Variants in PCDHGA11 observed in about 807,000 individuals in gnomAD.
The protein encoded by PCDHGA11 is protocadherin gamma-A11.
Under a neutral mutation model 60.4 loss-of-function variants are expected in PCDHGA11, and 39 were observed. The ratio of observed to expected loss-of-function variants is 0.65; its 90% CI spans 0.50 to 0.84. The LOEUF is 0.84. Ranked by LOEUF, PCDHGA11 falls within the 40% of genes least tolerant of loss-of-function variation. The pLI, the probability that PCDHGA11 is intolerant of heterozygous loss-of-function variation, is 0.00. For synonymous variants in PCDHGA11, 533 were observed against 510.3 expected, an observed-to-expected ratio of 1.04 and a Z score of -0.60; for missense variants, 1,165 against 1,197.7, an observed-to-expected ratio of 0.97 and a Z score of 0.40.
At chr5:141,427,333 T>C (rs1157500463) in intron 1 of PCDHGA11, 1 of 457,322 alleles carries the variant, frequency 2.2e-6, no homozygotes, top group Non-Finnish European at 4.4e-6. Context: ...TTTACTTCAG[T>C]GTCCAGTTCT....
chr5:141,449,256 A>C (rs929920180), intron 1 of PCDHGA11, among the ~76,000 whole-genome samples: 5 of 152,176 alleles, frequency 3.3e-5, no homozygotes, highest in Non-Finnish European at 5.9e-5. Context: ...CAAGAATTGT[A>C]CAAAGAACTG....
chr5:141,478,347 C>T, intron 1 of PCDHGA11: 2 of 1,613,802 alleles, frequency 1.2e-6, no homozygotes, highest in Non-Finnish European at 1.7e-6. Context: ...TCCTTGCACG[C>T]GGACGCCGTG....
chr5:141,504,763 C>G (rs1057360921), intron 2 of PCDHGA11, among the ~76,000 whole-genome samples: 5 of 152,018 alleles, frequency 3.3e-5, no homozygotes, highest in African/African-American at 1.2e-4. Context: ...AATTTCTTCT[C>G]CCTGCTCCAG....
chr5:141,476,187 G>T lies in PCDHGA11; in HGVS notation c.2434-18620G>T. 1 of 1,613,782 alleles carries T rather than the reference G, an allele frequency of 6.2e-7. No individual in the cohort carries two copies. The highest frequency in any genetic ancestry group is 8.5e-7 in the Non-Finnish European group (1 of 1,180,028). ...GTAGTGGGAGTTTTGCTTCTGCTTG[G>T]TGCCTTGAACAAGGCTTCCACGGTC... On this transcript the variant is annotated intron_variant, in intron 1 of 3. Transcript: ENST00000398587. This position sits in a 1 kb window ranked among gnomAD's most constrained non-coding sequence, Gnocchi z 7.6.
intron 3 of PCDHGA11, 89 bp from the exon 4 acceptor site, chr5:141,510,858 T>G: frequency 6.2e-7 from 1 of 1,606,182 alleles, no homozygotes; most frequent in Non-Finnish European, 8.5e-7. Context: ...GGGTGCTGTA[T>G]AGGCATTCAT....
chr5:141,441,825 C>A, intron 1 of PCDHGA11: 1 of 357,252 alleles, frequency 2.8e-6, no homozygotes, highest in Non-Finnish European at 5.5e-6. Flanking sequence ...CTCTGGAGCG[C>A]AATGGCTTCG....
At chr5:141,457,289 G>C (rs907200077) in intron 1 of PCDHGA11, among the ~76,000 whole-genome samples, 2 of 152,146 alleles carry the variant, frequency 1.3e-5, no homozygotes, top group African/African-American at 4.8e-5. Flanking sequence ...GAAGTTCCTT[G>C]GTTTTATTTT....
In PCDHGA11 at chr5:141,485,669, T is replaced by G. The variant is rs754363407; in HGVS notation, c.2434-9138T>G. ...TCAGGATGCAGATGTGGGGAGCAATTCGATTAGCAGCTATAGGCTGAGCTC... is the reference window on the plus strand; with the variant it reads ...TCAGGATGCAGATGTGGGGAGCAATGCGATTAGCAGCTATAGGCTGAGCTC... On this transcript the variant is annotated intron_variant, in intron 1 of 3. Transcript: ENST00000398587. The surrounding 1 kb of genome is among the most constrained non-coding windows in gnomAD (Gnocchi z 5.7). 1.9e-6 allele frequency: 3 copies of G among 1,612,788 alleles called. 1 individual carries two copies. Among genetic ancestry groups the G allele is most frequent in the Admixed American group, 1.7e-5 (1 of 59,980 alleles).
In PCDHGA11 at chr5:141,477,018, C is replaced by T. The variant is rs2099403540; in HGVS notation, c.2434-17789C>T. The T allele has an allele frequency of 3.1e-6, 5 of 1,614,262 alleles. No homozygotes were observed. Among genetic ancestry groups the T allele is most frequent in the Non-Finnish European group, 4.2e-6 (5 of 1,180,048 alleles). ...CAACTATTCGCCTTAGACCTTGTAA[C>T]CGGGATGCTGACAATCAAGGGTCGG... On this transcript the variant is annotated intron_variant, in intron 1 of 3. Coordinates refer to ENST00000398587, the MANE Select transcript of PCDHGA11 (RefSeq NM_018914.3). The surrounding 1 kb of genome is among the most constrained non-coding windows in gnomAD (Gnocchi z 4.9).
chr5:141,452,459 C>T (rs545368648), intron 1 of PCDHGA11, among the ~76,000 whole-genome samples: 38 of 152,246 alleles, frequency 2.5e-4, no homozygotes, highest in Middle Eastern at 6.8e-3. Context: ...TGTCAGCAGA[C>T]GGAGCTAGGA....
At chr5:141,478,804 G>C (rs765938054) in intron 1 of PCDHGA11, 48 of 1,462,396 alleles carry the variant, frequency 3.3e-5, no homozygotes, top group Non-Finnish European at 4.1e-5. Context: ...GCACTCTTTT[G>C]CTATCACAAC....
chr5:141,504,550 G>A (rs944574179), intron 2 of PCDHGA11, among the ~76,000 whole-genome samples: 2 of 151,586 alleles, frequency 1.3e-5, no homozygotes, highest in Non-Finnish European at 2.9e-5. Context: ...GCAAATGTTG[G>A]GGGACTGGCA....
At position 141,489,135 on chromosome 5, in the gene PCDHGA11, G is replaced by T; in HGVS notation, c.2434-5672G>T. The T allele has an allele frequency of 1.4e-6, 1 of 725,448 alleles. No individual in the cohort carries two copies. The highest frequency in any genetic ancestry group is 2.1e-6 in the Non-Finnish European group (1 of 470,770). 44.9% of individuals were successfully genotyped at this position (725,448 alleles called of 1,614,324 possible). ...GCAAACCTCCGAGCAGTTTTTAAGA[G>T]GCTGGAAGGAGACATAAGAGACTTC... On this transcript the variant is annotated intron_variant, in intron 1 of 3. Coordinates refer to ENST00000398587, the MANE Select transcript of PCDHGA11 (RefSeq NM_018914.3). The surrounding 1 kb of genome is among the most constrained non-coding windows in gnomAD (Gnocchi z 4.5).
chr5:141,487,919 A>G lies in PCDHGA11; in HGVS notation c.2434-6888A>G, dbSNP rs548678238. ...ATGGAATGTGGGAGCACAGGAGGCTACAGTGCACAGGGTACAGTGCACCAG... is the reference window on the plus strand; with the variant it reads ...ATGGAATGTGGGAGCACAGGAGGCTGCAGTGCACAGGGTACAGTGCACCAG... On this transcript the variant is annotated intron_variant, in intron 1 of 3. Transcript: ENST00000398587. The surrounding 1 kb of genome is among the most constrained non-coding windows in gnomAD (Gnocchi z 5.0). 23 of 644,878 alleles carry G rather than the reference A, an allele frequency of 3.6e-5. No individual in the cohort carries two copies. Among genetic ancestry groups the G allele is most frequent in the Non-Finnish European group, 5.6e-5 (21 of 374,374 alleles). 39.9% of individuals were successfully genotyped at this position (644,878 alleles called of 1,614,324 possible). A position where few individuals can be genotyped will look rare whatever the true frequency, so the allele number is the denominator to read the frequency against.
intron 3 of PCDHGA11, among the ~76,000 whole-genome samples, chr5:141,510,203 G>A (rs1164886289): frequency 6.6e-6 from 1 of 151,680 alleles, no homozygotes; most frequent in Non-Finnish European, 1.5e-5. Flanking sequence ...AGCCCAGGAG[G>A]CAGAGGTTGC....
At chr5:141,496,768 A>G (rs997951321) in intron 2 of PCDHGA11, among the ~76,000 whole-genome samples, 10 of 152,260 alleles carry the variant, frequency 6.6e-5, no homozygotes, top group African/African-American at 2.4e-4. Context: ...TCGAGCATCT[A>G]CTATGAGCAG....
At position 141,423,654 on chromosome 5, in the gene PCDHGA11, T is replaced by C. The variant is rs768410507; in HGVS notation, c.2427T>C (p.Ser809=). The C allele has an allele frequency of 6.3e-6, 10 of 1,583,982 alleles. No individual in the cohort carries two copies. The Admixed American group carries it at 1.8e-4, about 28-fold the overall frequency. ...TTTTAGGCAAATGTGACCCGACAAG[T>C]AATCAGGTGAGATTTATTTCTCTGC... ...AIILGKCDPT[S]NQQAPPNTDW... is the part of the protein sequence containing the mutation. The change falls in exon 1 of 4, where the codon AGT becomes AGC. Residue 809 remains serine, a synonymous_variant. Transcript: ENST00000398587.
chr5:141,422,070 A>G lies in PCDHGA11; in HGVS notation c.843A>G (p.Ser281=), dbSNP rs1202364320. The change falls in exon 1 of 4, where the codon TCA becomes TCG. Residue 281 remains serine (S), a synonymous_variant. Coordinates refer to ENST00000398587, the MANE Select transcript of PCDHGA11 (RefSeq NM_018914.3). ...GAATCAACGGGGAAGTAATGTATTC[A>G]TTTCGGAACATGGAAAGCAAGGCTT... The part of the protein sequence containing the change: ...DEGINGEVMY[S]FRNMESKASE... 3 of 1,612,480 alleles carry G rather than the reference A, an allele frequency of 1.9e-6. No individual in the cohort carries two copies. The highest frequency in any genetic ancestry group is 2.5e-6 in the Non-Finnish European group (3 of 1,179,496).
chr5:141,482,500 G>T (rs1409735210), intron 1 of PCDHGA11, among the ~76,000 whole-genome samples: 1 of 133,788 alleles, frequency 7.5e-6, no homozygotes, highest in Non-Finnish European at 1.5e-5. Flanking sequence ...TATCATTCTG[G>T]TACCCAGAGT....
Sources: gnomAD v4.1 joint callset for allele counts (sites outside exome capture counted in the v4.1 genomes callset) on GRCh38, gnomAD v4.1.1 for gene constraint, Gnocchi (gnomAD v3.1) non-coding constraint, MANE v1.5 for transcripts, NCBI Gene and HGNC (gene_info 2026-07-23, HGNC 2026-07-21) for gene names.